The following ZNF551 variants were observed in gnomAD, a reference collection of about 807,000 sequenced individuals.
ZNF551 encodes zinc finger protein 551, also known as KOX 23 protein (56 AA).
ZNF551 carries 5 observed loss-of-function variants against 7.9 expected under a neutral mutation model. The ratio of observed to expected loss-of-function variants is 0.63; its 90% confidence interval spans 0.33 to 1.33. The LOEUF is 1.33. ZNF551 is among the 40% of genes most tolerant of loss of function. The pLI, the probability that ZNF551 is intolerant of heterozygous loss-of-function variation, is 0.05. For missense variants in ZNF551, 788 were observed against 825.2 expected (o/e 0.95, Z 0.55); for synonymous variants, 287 against 277.3 (o/e 1.03, Z -0.35).
At position 57,687,335 on chromosome 19, in the gene ZNF551, C is replaced by T; in HGVS notation, c.1060C>T (p.Gln354Ter). The T allele has an allele frequency of 1.2e-6, 2 of 1,614,046 alleles. No individual in the cohort carries two copies. Among genetic ancestry groups the T allele is most frequent in the Non-Finnish European group, 1.7e-6 (2 of 1,180,022 alleles). The change falls in exon 3 of 3, where the codon CAG becomes TAG. Residue 354 changes from glutamine to a stop codon, truncating the protein, a stop_gained. Transcript: ENST00000282296. LOFTEE classifies it low-confidence loss of function (END_TRUNC). Reference sequence around the variant, plus strand: ...CTACAAATCTAACCTCATTGAACACCAGAGAGTTCACACTGGAGAAAGGCC... The same window carrying T: ...CTACAAATCTAACCTCATTGAACACTAGAGAGTTCACACTGGAGAAAGGCC... ...FSYKSNLIEH[Q>*]RVHTGERPYE...
intron 1 of ZNF551, among the ~76,000 whole-genome samples, chr19:57,683,170 G>A (rs1984445505): frequency 6.6e-6 from 1 of 152,208 alleles, no homozygotes; most frequent in African/African-American, 2.4e-5. Context: ...GAAGCCAACT[G>A]AAGGATGAGG....
chr19:57,687,987 G>A lies in ZNF551; in HGVS notation c.1712G>A (p.Ser571Asn). 1 of 1,613,412 alleles carries A rather than the reference G, an allele frequency of 6.2e-7. No individual in the cohort carries two copies. Among genetic ancestry groups the A allele is most frequent in the South Asian group, 1.1e-5 (1 of 91,030 alleles). Residue 571 changes from serine (S) to asparagine (N), a missense_variant, in exon 3 of 3, where the codon AGT (serine) becomes AAT (asparagine). Ser to Asn is a conservative substitution (Grantham distance 46). Transcript: ENST00000282296. ...GAATGTGGAAAGTCTTTTAGCCAAA[G>A]TGCTAGCCTCATTCAACACCAGAGA... Reference protein sequence around the residue: ...CSECGKSFSQSASLIQHQRVH... With the variant: ...CSECGKSFSQNASLIQHQRVH...
rs748431684 is a variant in ZNF551 at position 57,687,985 on chromosome 19, A to G, written c.1710A>G (p.Gln570=). ...GTGAATGTGGAAAGTCTTTTAGCCA[A>G]AGTGCTAGCCTCATTCAACACCAGA... ...ECSECGKSFS[Q]SASLIQHQRV... The change falls in exon 3 of 3, where the codon CAA becomes CAG. Residue 570 remains glutamine, a synonymous_variant. Transcript: ENST00000282296. 6.2e-7 allele frequency: 1 copy of G among 1,613,334 alleles called. No homozygotes were observed. The highest frequency in any genetic ancestry group is 8.5e-7 in the Non-Finnish European group (1 of 1,179,840).
Position 57,688,212 on chromosome 19 carries a change from G to A in ZNF551, c.1937G>A (p.Ser646Asn), listed in dbSNP as rs765648623. 22 of 1,614,170 alleles carry A rather than the reference G, an allele frequency of 1.4e-5. No individual in the cohort carries two copies. In the East Asian group the frequency reaches 3.6e-4, roughly 26 times the overall value. Residue 646 changes from serine (S) to asparagine (N), a missense_variant, in exon 3 of 3, where the codon AGT becomes AAT. Transcript: ENST00000282296. ...ACTGGAGAAAGGCCTTATGAATGCA[G>A]TGAATGTGGGAAATCCTTTAGCCGC... ...VHTGERPYEC[S>N]ECGKSFSRKS...
Position 57,688,002 on chromosome 19 carries a change from A to C in ZNF551, c.1727A>C (p.Gln576Pro). The C allele has an allele frequency of 6.2e-7, 1 of 1,613,994 alleles. No homozygotes were observed. Among genetic ancestry groups the C allele is most frequent in the Non-Finnish European group, 8.5e-7 (1 of 1,180,000 alleles). Reference protein sequence around the residue: ...KSFSQSASLIQHQRVHTGERP... With the variant: ...KSFSQSASLIPHQRVHTGERP... ...TTTAGCCAAAGTGCTAGCCTCATTC[A>C]ACACCAGAGAGTTCACACTGGAGAA... Residue 576 changes from glutamine (Q) to proline (P), a missense_variant, in exon 3 of 3, where the codon CAA becomes CCA. Physicochemically the swap from Gln to Pro is moderately conservative, Grantham distance 76 (BLOSUM62 -1). Coordinates refer to ENST00000282296, the MANE Select transcript of ZNF551 (RefSeq NM_138347.5).
Position 57,690,545 on chromosome 19 carries a change from A to G in ZNF551, c.*2257A>G, listed in dbSNP as rs144151619. 637 of 152,278 alleles carry G rather than the reference A, an allele frequency of 4.2e-3. 4 individuals carry two copies. Among genetic ancestry groups the G allele is most frequent in the African/African-American group, 0.013 (550 of 41,536 alleles). The allele number at this position is 152,278 out of a possible 1,614,324, so 9.4% of individuals were successfully genotyped here. ...ATGAATCTTTGTATTGCTGAGTATCATGCTGTTCTATGGATAAGTCAGTGT... is the reference window on the plus strand; with the variant it reads ...ATGAATCTTTGTATTGCTGAGTATCGTGCTGTTCTATGGATAAGTCAGTGT... On this transcript the variant is annotated 3_prime_UTR_variant, in exon 3 of 3. Coordinates refer to ENST00000282296, the MANE Select transcript of ZNF551 (RefSeq NM_138347.5).
rs1378767348 is a variant in ZNF551, at chr19:57,688,101, A to G, written c.1826A>G (p.His609Arg). The change falls in exon 3 of 3, where the codon CAC (histidine) becomes CGC (arginine). Residue 609 changes from histidine (H) to arginine (R), a missense_variant. Coordinates refer to ENST00000282296, the MANE Select transcript of ZNF551 (RefSeq NM_138347.5). ...SSSLIQHQRG[H>R]TGERPYECSQ... ...AGCCTCATTCAACACCAGAGAGGTC[A>G]CACTGGAGAAAGACCTTATGAGTGC... is the stretch of plus-strand genomic sequence containing the variant. 1 of 1,614,190 alleles carries G rather than the reference A, an allele frequency of 6.2e-7. No individual in the cohort carries two copies.
intron 2 of ZNF551, 78 bp downstream of exon 2, chr19:57,685,463 T>C (rs768154798): frequency 3.1e-6 from 5 of 1,604,280 alleles, no homozygotes; most frequent in Non-Finnish European, 4.3e-6. Context: ...AGTCTTGCTG[T>C]CAGCCTAGTG....
At chr19:57,685,153 G>T (rs565234179) in intron 1 of ZNF551, 109 bp from the exon 2 acceptor site, 2 of 1,483,394 alleles carry the variant, frequency 1.3e-6, no homozygotes, top group Admixed American at 2.0e-5. Context: ...ACTGTGGCTG[G>T]TTATCTCCGC....
Position 57,686,892 on chromosome 19 carries a change from A to G in ZNF551, c.617A>G (p.His206Arg), listed in dbSNP as rs1053079931. 2.5e-6 allele frequency: 4 copies of G among 1,614,200 alleles called. No individual in the cohort carries two copies. The South Asian group carries it at 4.4e-5, about 18-fold the overall frequency. Residue 206 changes from histidine to arginine, a missense_variant, in exon 3 of 3, where the codon CAC becomes CGC. Physicochemically the swap from His to Arg is conservative, Grantham distance 29. Coordinates refer to ENST00000282296, the MANE Select transcript of ZNF551 (RefSeq NM_138347.5). ...HEATPSGEEP[H>R]SSSSKHIQAF... The stretch of plus-strand genomic sequence containing the variant: ...GCCACTCCCAGTGGTGAGGAGCCAC[A>G]CAGTAGCAGCAGCAAGCATATACAG...
Position 57,688,449 on chromosome 19 carries a change from T to A in ZNF551, c.*161T>A. On this transcript the variant is annotated 3_prime_UTR_variant, in exon 3 of 3. Coordinates refer to ENST00000282296, the MANE Select transcript of ZNF551 (RefSeq NM_138347.5). ...TGAGGAGGTTCATTGTAATTTCTAA[T>A]CTGCCGAGGCCTATAGCCTGATTTA... 9.9e-7 allele frequency: 1 copy of A among 1,011,986 alleles called. No homozygotes were observed. Among genetic ancestry groups the A allele is most frequent in the Non-Finnish European group, 1.4e-6 (1 of 709,890 alleles). The allele number at this position is 1,011,986 out of a possible 1,614,324, so 62.7% of individuals were successfully genotyped here.
In ZNF551 at chr19:57,690,328, A is replaced by G. The variant is rs1421626846; in HGVS notation, c.*2040A>G. The G allele has an allele frequency of 6.6e-6, 1 of 151,924 alleles. No individual in the cohort carries two copies. The highest frequency in any genetic ancestry group is 1.5e-5 in the Non-Finnish European group (1 of 68,028). 9.4% of individuals were successfully genotyped at this position (151,924 alleles called of 1,614,324 possible). A position where few individuals can be genotyped will look rare whatever the true frequency, so the allele number is the denominator to read the frequency against. ...TCTTCAGGTTCAACTGATTTCCTTTACAGTAAATTAGTTTGCATTTTCTGG... is the reference window on the plus strand; with the variant it reads ...TCTTCAGGTTCAACTGATTTCCTTTGCAGTAAATTAGTTTGCATTTTCTGG... On this transcript the variant is annotated 3_prime_UTR_variant, in exon 3 of 3. Coordinates refer to ENST00000282296, the MANE Select transcript of ZNF551 (RefSeq NM_138347.5).
In ZNF551 at chr19:57,686,822, T is replaced by C. The variant is rs1568455864; in HGVS notation, c.547T>C (p.Cys183Arg). Residue 183 changes from cysteine to arginine, a missense_variant, in exon 3 of 3, where the codon TGT becomes CGT. Physicochemically the swap from Cys to Arg is radical, Grantham distance 180. Transcript: ENST00000282296. ...CRFHVLNYFT[C>R]GEAFPAPTDL... ...ATTCCATGTGTTGAATTATTTCACC[T>C]GTGGGGAGGCCTTCCCAGCCCCCAC... 6 of 1,614,120 alleles carry C rather than the reference T, an allele frequency of 3.7e-6. No individual in the cohort carries two copies. Among genetic ancestry groups the C allele is most frequent in the South Asian group, 1.1e-5 (1 of 91,096 alleles).
At position 57,687,504 on chromosome 19, in the gene ZNF551, G is replaced by GTA. The variant is rs780135533; in HGVS notation, c.1229_1230insTA (p.Arg410SerfsTer82). On this transcript the variant is annotated frameshift_variant, in exon 3 of 3. Coordinates refer to ENST00000282296, the MANE Select transcript of ZNF551 (RefSeq NM_138347.5). LOFTEE classifies it low-confidence loss of function (END_TRUNC). ...CAAATCTTCAATCTCATTCGACATA[G>GTA]AAGAGTTCACACTGGAGAAATGCCT... 4.2e-5 allele frequency: 68 copies of GTA among 1,613,678 alleles called. No homozygotes were observed. In the South Asian group the frequency reaches 7.2e-4, roughly 17 times the overall value.
At position 57,687,046 on chromosome 19, in the gene ZNF551, G is replaced by A. The variant is rs780651413; in HGVS notation, c.771G>A (p.Glu257=). The change falls in exon 3 of 3, where the codon GAG becomes GAA. Residue 257 remains glutamate, a synonymous_variant. Coordinates refer to ENST00000282296, the MANE Select transcript of ZNF551 (RefSeq NM_138347.5). ...GGCTTTATGAGTGTAGCAAATGTGA[G>A]AAAGCCTTCACTTGCAAGAACACAC... ...EGGLYECSKC[E]KAFTCKNTLV... 10 of 1,614,104 alleles carry A rather than the reference G, an allele frequency of 6.2e-6. No homozygotes were observed. The highest frequency in any genetic ancestry group is 7.6e-6 in the Non-Finnish European group (9 of 1,180,044).
chr19:57,685,354 G>C lies in ZNF551; in HGVS notation c.174G>C (p.Met58Ile). 6.2e-7 allele frequency: 1 copy of C among 1,614,160 alleles called. No individual in the cohort carries two copies. Among genetic ancestry groups the C allele is most frequent in the South Asian group, 1.1e-5 (1 of 91,080 alleles). ...ESQRFLYCDVMLENFAHVTSL... is the reference protein window; with the variant it reads ...ESQRFLYCDVILENFAHVTSL... ...AGAGGTTCCTGTACTGCGATGTGAT[G>C]CTGGAGAACTTTGCACATGTAACAT... The change falls in exon 2 of 3, where the codon ATG (methionine) becomes ATC (isoleucine). Residue 58 changes from methionine (M) to isoleucine (I), a missense_variant. Physicochemically the swap from Met to Ile is conservative, Grantham distance 10. Transcript: ENST00000282296.
Position 57,687,855 on chromosome 19 carries a change from G to GCACAAGA in ZNF551, c.1582_1588dup (p.Pro530HisfsTer5), listed in dbSNP as rs1436427511. 6.2e-7 allele frequency: 1 copy of GCACAAGA among 1,613,968 alleles called. No individual in the cohort carries two copies. The highest frequency in any genetic ancestry group is 8.5e-7 in the Non-Finnish European group (1 of 1,179,996). ...ATTCAACACCGGAGAATTCATACTG[G>GCACAAGA]CACAAGACCTTATGAGTGCAGTGAA... On this transcript the variant is annotated frameshift_variant, in exon 3 of 3. Transcript: ENST00000282296. LOFTEE classifies it low-confidence loss of function (END_TRUNC).
rs867198605 is a variant in ZNF551, at chr19:57,687,086, CA to C, written c.814del (p.Ile272PhefsTer23). 8 of 1,614,102 alleles carry C rather than the reference CA, an allele frequency of 5.0e-6. No individual in the cohort carries two copies. The highest frequency in any genetic ancestry group is 4.0e-5 in the African/African-American group (3 of 74,934). The part of the protein sequence containing the change: ...TCKNTLVQHQ[Q>X]IHTGQKMFEC... The stretch of plus-strand genomic sequence containing the variant: ...CAAGAACACACTTGTTCAGCACCAG[CA>C]AATTCACACTGGACAAAAGATGTTT... On this transcript the variant is annotated frameshift_variant, in exon 3 of 3. Transcript: ENST00000282296. LOFTEE classifies it low-confidence loss of function (END_TRUNC).
At chr19:57,685,225 G>A in intron 1 of ZNF551, 37 bp from the exon 2 acceptor site, 1 of 1,610,034 alleles carries the variant, frequency 6.2e-7, no homozygotes, top group Non-Finnish European at 8.5e-7. Context: ...ATGAACTCCG[G>A]GTCTGATCGT....
Sources: allele counts gnomAD v4.1 joint callset (sites outside exome capture counted in the v4.1 genomes callset), GRCh38; gene constraint gnomAD v4.1.1; transcripts MANE v1.5; gene names NCBI Gene and HGNC (gene_info 2026-07-23, HGNC 2026-07-21).